Variants in EPHB1 observed in about 807,000 individuals in gnomAD.
EPHB1 encodes ephrin type-B receptor 1.
In EPHB1, 30 loss-of-function variants were observed where a neutral mutation model predicts 94.4. That is an observed-to-expected ratio of 0.32 (90% CI 0.24 to 0.43). EPHB1 has a LOEUF of 0.43. Ranked by LOEUF, EPHB1 falls within the 20% of genes least tolerant of loss-of-function variation. The probability of loss-of-function intolerance (pLI) is 1.00; values close to 1 mark genes in which losing one functional copy is unlikely to be tolerated. For missense variants in EPHB1, 1,055 were observed against 1,308.3 expected (o/e 0.81, Z 2.99); for synonymous variants, 522 against 489.1 (o/e 1.07, Z -0.89).
rs576710309 is a variant in EPHB1 at position 135,132,854 on chromosome 3, C to G, written c.1102C>G (p.Arg368Gly). The change falls in exon 5 of 16, where the codon CGG becomes GGG. Residue 368 changes from arginine to glycine, a missense_variant. Transcript: ENST00000398015. ...IICKKCRADR[R>G]SCSRCDDNVE... ...CTGCAAAAAGTGCCGGGCAGACCGC[C>G]GGAGCTGCTCCCGCTGTGACGACAA... 2.5e-6 allele frequency: 4 copies of G among 1,614,050 alleles called. No individual in the cohort carries two copies. The highest frequency in any genetic ancestry group is 1.7e-6 in the Non-Finnish European group (2 of 1,179,904).
intron 2 of EPHB1, 135 bp downstream of exon 2, chr3:134,926,015 C>A: frequency 1.4e-6 from 1 of 712,206 alleles, no homozygotes; most frequent in Non-Finnish European, 2.2e-6. Context: ...GTCCACTGCC[C>A]ATCCATGCAA....
In EPHB1 at chr3:134,880,257, G is replaced by A. The variant is rs183765108; in HGVS notation, c.59-45559G>A. ...TGTGAGGATGTAATGTGACAGACCCGGGCTGCTTTGCCCTGGGAGATCTGT... is the reference window on the plus strand; with the variant it reads ...TGTGAGGATGTAATGTGACAGACCCAGGCTGCTTTGCCCTGGGAGATCTGT... On this transcript the variant is annotated intron_variant, in intron 1 of 15. Coordinates refer to ENST00000398015, the MANE Select transcript of EPHB1 (RefSeq NM_004441.5). 3.4e-3 allele frequency among the ~76,000 whole-genome samples: 514 copies of A among 152,286 alleles called. 4 individuals are homozygous for A. The highest frequency in any genetic ancestry group is 0.011 in the Admixed American group (162 of 15,308).
chr3:134,847,107 G>A (rs968234390), intron 1 of EPHB1, among the ~76,000 whole-genome samples: 1 of 151,944 alleles, frequency 6.6e-6, no homozygotes, highest in Admixed American at 6.6e-5. Context: ...TTAACAGAAC[G>A]TGGCCTTCCC....
intron 12 of EPHB1, among the ~76,000 whole-genome samples, chr3:135,231,217 T>C (rs1481107534): frequency 6.6e-6 from 1 of 152,184 alleles, no homozygotes; most frequent in Non-Finnish European, 1.5e-5. Flanking sequence ...ATCCTTTCTT[T>C]TTAATTGTAA....
At chr3:134,799,977 A>G (rs534921563) in intron 1 of EPHB1, among the ~76,000 whole-genome samples, 1 of 152,304 alleles carries the variant, frequency 6.6e-6, no homozygotes, top group African/African-American at 2.4e-5. Flanking sequence ...AGTAGAAACT[A>G]CATGTTCTTT....
chr3:134,949,670 C>T (rs913473332), intron 2 of EPHB1, among the ~76,000 whole-genome samples: 2 of 152,134 alleles, frequency 1.3e-5, no homozygotes, highest in South Asian at 4.2e-4. Context: ...GATCACCACT[C>T]CTAAATAGTC....
intron 3 of EPHB1, among the ~76,000 whole-genome samples, chr3:135,047,837 G>A (rs1459667000): frequency 6.6e-6 from 1 of 151,690 alleles, no homozygotes; most frequent in African/African-American, 2.4e-5. Context: ...AAACTGGAGA[G>A]TATATTGACA....
intron 4 of EPHB1, among the ~76,000 whole-genome samples, chr3:135,131,908 C>G (rs1332399155): frequency 6.6e-6 from 1 of 152,140 alleles, no homozygotes; most frequent in African/African-American, 2.4e-5. Flanking sequence ...GGCTTCAGTT[C>G]TTACAGAGCT....
intron 12 of EPHB1, among the ~76,000 whole-genome samples, chr3:135,237,689 A>G (rs1943690141): frequency 6.6e-6 from 1 of 152,198 alleles, no homozygotes; most frequent in African/African-American, 2.4e-5. Flanking sequence ...CTGTGTCCGT[A>G]TGAATGCAGA....
chr3:135,238,050 A>G (rs1347989176), intron 12 of EPHB1, among the ~76,000 whole-genome samples: 1 of 152,262 alleles, frequency 6.6e-6, no homozygotes, highest in Non-Finnish European at 1.5e-5. Flanking sequence ...ACTTGATGAT[A>G]TTAATTATGT....
intron 1 of EPHB1, among the ~76,000 whole-genome samples, chr3:134,921,402 C>T (rs1020100522): frequency 3.3e-5 from 5 of 152,198 alleles, no homozygotes; most frequent in African/African-American, 1.2e-4. Context: ...GACAGGCACA[C>T]CTGTTCCCCG....
At chr3:135,067,019 G>A (rs1265046839) in intron 3 of EPHB1, among the ~76,000 whole-genome samples, 1 of 152,192 alleles carries the variant, frequency 6.6e-6, no homozygotes, top group Non-Finnish European at 1.5e-5. Context: ...GGGGTTGTCT[G>A]CACAGAGTCC....
chr3:135,142,312 T>C (rs960045245), intron 5 of EPHB1, among the ~76,000 whole-genome samples: 1 of 152,178 alleles, frequency 6.6e-6, no homozygotes, highest in East Asian at 1.9e-4. Flanking sequence ...GATCACACGT[T>C]TAGAAAGCCA....
intron 1 of EPHB1, among the ~76,000 whole-genome samples, chr3:134,824,559 A>T (rs868064466): frequency 2.0e-5 from 3 of 152,198 alleles, no homozygotes; most frequent in African/African-American, 7.2e-5. Context: ...CTCTTTGGTG[A>T]TGGGAACTTG....
chr3:134,909,180 AG>A lies in EPHB1; in HGVS notation c.59-16634del, dbSNP rs200866464. Among the ~76,000 whole-genome samples, 987 of 151,860 alleles carry A rather than the reference AG, an allele frequency of 6.5e-3. 15 individuals carry two copies. The highest frequency in any genetic ancestry group is 0.023 in the African/African-American group (937 of 41,424). Reference sequence around the variant, plus strand: ...GTGGTGGCTAGGAAACAGAATGCTCAGGAGGTCCTGGCCTCTCATAATCTGA... The same window carrying A: ...GTGGTGGCTAGGAAACAGAATGCTCAGAGGTCCTGGCCTCTCATAATCTGA... On this transcript the variant is annotated intron_variant, in intron 1 of 15. Transcript: ENST00000398015.
intron 11 of EPHB1, among the ~76,000 whole-genome samples, chr3:135,197,102 GAAA>G (rs55900203): frequency 5.0e-5 from 6 of 120,630 alleles, no homozygotes; most frequent in African/African-American, 1.8e-4. Flanking sequence ...CCAGAAAAAG[GAAA>G]AAAAAAAAAA....
intron 12 of EPHB1, among the ~76,000 whole-genome samples, chr3:135,224,153 C>A (rs1943338563): frequency 1.3e-5 from 2 of 152,122 alleles, no homozygotes; most frequent in Admixed American, 1.3e-4. Flanking sequence ...GTGAGCTATC[C>A]CATTTAGGTT....
At chr3:135,058,026 G>T (rs978782674) in intron 3 of EPHB1, among the ~76,000 whole-genome samples, 6 of 152,242 alleles carry the variant, frequency 3.9e-5, no homozygotes, top group Admixed American at 3.9e-4. Flanking sequence ...TAAAGCTGGC[G>T]TGGGTTCTCT....
In EPHB1 at chr3:135,115,391, G is replaced by A. The variant is rs1446073544; in HGVS notation, c.961+8788G>A. 3.9e-5 allele frequency among the ~76,000 whole-genome samples: 6 copies of A among 152,142 alleles called. No homozygotes were observed. In the South Asian group the frequency reaches 6.2e-4, roughly 16 times the overall value. The stretch of plus-strand genomic sequence containing the variant: ...TGCTCCAATTGTTCACCTCTAAGGC[G>A]AAGGCAGTCAGGAGTGAGTGGCTGT... On this transcript the variant is annotated intron_variant, in intron 4 of 15. Coordinates refer to ENST00000398015, the MANE Select transcript of EPHB1 (RefSeq NM_004441.5).
Sources: allele counts gnomAD v4.1 joint callset (sites outside exome capture counted in the v4.1 genomes callset), GRCh38; gene constraint gnomAD v4.1.1; transcripts MANE v1.5; gene names NCBI Gene and HGNC (gene_info 2026-07-23, HGNC 2026-07-21).